MCF2L: variants seen among roughly 807,000 people sequenced by gnomAD.
MCF2L encodes guanine nucleotide exchange factor DBS.
Under a neutral mutation model 153.4 loss-of-function variants are expected in MCF2L, and 97 were observed. The observed-to-expected ratio is 0.63, with a 90% CI of 0.54 to 0.75. The LOEUF is 0.75. Among genes scored for constraint, MCF2L ranks in the 30% least tolerant of loss-of-function variants. MCF2L has a pLI of 0.00. For synonymous variants in MCF2L, 659 were observed against 632.2 expected, an observed-to-expected ratio of 1.04 and a Z score of -0.64; for missense variants, 1,347 against 1,495.2, an observed-to-expected ratio of 0.90 and a Z score of 1.64.
chr13:112,994,708 T>A (rs1290189586), intron 1 of MCF2L, among the ~76,000 whole-genome samples: 1 of 152,100 alleles, frequency 6.6e-6, no homozygotes, highest in Non-Finnish European at 1.5e-5. Flanking sequence ...GGGTGGGGCA[T>A]CCTCCCGGGC....
At chr13:113,038,010 T>C (rs550622507) in intron 3 of MCF2L, among the ~76,000 whole-genome samples, 1 of 152,308 alleles carries the variant, frequency 6.6e-6, no homozygotes, top group East Asian at 1.9e-4. Flanking sequence ...CTAAACTTAA[T>C]TGTATTTTAG....
At position 112,969,584 on chromosome 13, in the gene MCF2L, C is replaced by T. The variant is rs2081971843; in HGVS notation, c.79+126C>T. ...TCCTTTCTAGCCGTGGTAGCTGTGA[C>T]ATGGGGGGCACTGGTTGGCAGCTGG... On this transcript the variant is annotated intron_variant, in intron 1 of 29. Transcript: ENST00000535094. The surrounding 1 kb of genome is among the most constrained non-coding windows in gnomAD (Gnocchi z 4.8). 1.0e-5 allele frequency: 15 copies of T among 1,477,222 alleles called. No homozygotes were observed. Among genetic ancestry groups the T allele is most frequent in the Non-Finnish European group, 1.4e-5 (15 of 1,098,730 alleles). The allele number at this position is 1,477,222 out of a possible 1,614,324, so 91.5% of individuals were successfully genotyped here.
intron 2 of MCF2L, among the ~76,000 whole-genome samples, chr13:112,962,152 C>G (rs1027524319): frequency 6.6e-6 from 1 of 151,374 alleles, no homozygotes; most frequent in African/African-American, 2.4e-5. Context: ...TGCAGACATG[C>G]TCACACCTGT....
intron 26 of MCF2L, 103 bp from the exon 27 acceptor site, chr13:113,094,411 A>G: frequency 7.9e-7 from 1 of 1,267,344 alleles, no homozygotes; most frequent in Non-Finnish European, 1.1e-6. Context: ...GGCCCACGGC[A>G]CACATTTCAG....
intron 1 of MCF2L, among the ~76,000 whole-genome samples, chr13:112,988,556 C>A (rs2993288): frequency 1.2e-4 from 17 of 138,740 alleles, no homozygotes; most frequent in African/African-American, 8.0e-5. Context: ...CTACCACACC[C>A]GAGTCCTCCC....
rs554066085 is a variant in MCF2L at position 112,943,678 on chromosome 13, A to G, written c.169+41307A>G. On this transcript the variant is annotated intron_variant, in intron 2 of 29. Transcript: ENST00000375608. This position sits in a 1 kb window ranked among gnomAD's most constrained non-coding sequence, Gnocchi z 4.2. Reference sequence around the variant, plus strand: ...CCCGGGGACAGACGGGGAAGGCGGGAGCGCTCGCAGTTCCCTCCTGGAGGG... The same window carrying G: ...CCCGGGGACAGACGGGGAAGGCGGGGGCGCTCGCAGTTCCCTCCTGGAGGG... Among the ~76,000 whole-genome samples the G allele has an allele frequency of 1.3e-5, 2 of 152,110 alleles. No homozygotes were observed. Among genetic ancestry groups the G allele is most frequent in the East Asian group, 3.9e-4 (2 of 5,130 alleles).
rs116942706 is a variant in MCF2L, at chr13:112,904,768, C to T, written c.169+2397C>T. Among the ~76,000 whole-genome samples, 326 of 152,378 alleles carry T rather than the reference C, an allele frequency of 2.1e-3. 2 individuals carry two copies. The highest frequency in any genetic ancestry group is 3.6e-3 in the Non-Finnish European group (244 of 68,036). ...CTGCGGCCTGCGGGAGAACCGCACT[C>T]GGCTCTCAGGCCCTGCCTGCACCAC... On this transcript the variant is annotated intron_variant, in intron 2 of 29. Coordinates refer to the MCF2L transcript ENST00000375608. This position sits in a 1 kb window ranked among gnomAD's most constrained non-coding sequence, Gnocchi z 4.2.
At chr13:112,978,070 T>C (rs1318502707) in intron 1 of MCF2L, among the ~76,000 whole-genome samples, 2 of 152,158 alleles carry the variant, frequency 1.3e-5, no homozygotes, top group Non-Finnish European at 2.9e-5. Context: ...CAAGACTCTG[T>C]CTCCAAACAA....
At chr13:112,917,657 G>A (rs1266235584) in intron 2 of MCF2L, 2 of 167,136 alleles carry the variant, frequency 1.2e-5, no homozygotes, top group Admixed American at 5.7e-5. Flanking sequence ...GACCTCCACA[G>A]TCGGCCGCAG....
chr13:112,927,999 C>T (rs1315801247), intron 2 of MCF2L, among the ~76,000 whole-genome samples: 2 of 152,198 alleles, frequency 1.3e-5, no homozygotes, highest in South Asian at 2.1e-4. Context: ...AGAAAAATAA[C>T]AGGAGAAACG....
At chr13:112,942,932 G>T (rs908780411) in intron 2 of MCF2L, among the ~76,000 whole-genome samples, 1 of 152,210 alleles carries the variant, frequency 6.6e-6, no homozygotes. Context: ...CAGCACCCTC[G>T]TGAGCTGCTG....
In MCF2L at chr13:113,027,131, C is replaced by T; in HGVS notation, c.278+2373C>T. The T allele has an allele frequency of 1.4e-6, 1 of 706,342 alleles. No homozygotes were observed. Among genetic ancestry groups the T allele is most frequent in the South Asian group, 1.5e-5 (1 of 66,924 alleles). The allele number at this position is 706,342 out of a possible 1,614,324, so 43.8% of individuals were successfully genotyped here. On this transcript the variant is annotated intron_variant, in intron 3 of 29. Coordinates refer to ENST00000535094, the MANE Select transcript of MCF2L (RefSeq NM_001112732.3). This position sits in a 1 kb window ranked among gnomAD's most constrained non-coding sequence, Gnocchi z 4.8. Reference sequence around the variant, plus strand: ...AAACACAGAGGAGATGTTTAACCATCAGCGTGAAAGTGCAGCCGTGGCCAT... The same window carrying T: ...AAACACAGAGGAGATGTTTAACCATTAGCGTGAAAGTGCAGCCGTGGCCAT...
At chr13:113,001,612 C>A in intron 1 of MCF2L, 2 of 1,141,688 alleles carry the variant, frequency 1.8e-6, no homozygotes, top group Non-Finnish European at 2.2e-6. Flanking sequence ...ACAAGCAACA[C>A]CAGGAACCTG....
At chr13:113,066,004 G>T in intron 7 of MCF2L, 42 bp from the exon 8 acceptor site, 1 of 1,600,472 alleles carries the variant, frequency 6.2e-7, no homozygotes, top group Non-Finnish European at 8.5e-7. Context: ...TGCGCTGTGT[G>T]CCTGGACGGG....
At chr13:112,948,495 A>G (rs978916931) in intron 2 of MCF2L, among the ~76,000 whole-genome samples, 12 of 152,230 alleles carry the variant, frequency 7.9e-5, no homozygotes, top group African/African-American at 2.9e-4. Context: ...GCCTTCCACA[A>G]AGTCCTAGGA....
intron 4 of MCF2L, among the ~76,000 whole-genome samples, chr13:113,050,006 A>G (rs1644690208): frequency 6.6e-6 from 1 of 151,864 alleles, no homozygotes; most frequent in African/African-American, 2.4e-5. Flanking sequence ...ATAGGTTCAC[A>G]GCTACCCACC....
chr13:113,094,242 T>C, intron 26 of MCF2L: 1 of 246,374 alleles, frequency 4.1e-6, no homozygotes, highest in Non-Finnish European at 7.8e-6. Context: ...GACAAGGGCG[T>C]GGCTTCCCAG....
chr13:113,065,116 TG>T, intron 7 of MCF2L, 31 bp downstream of exon 7: 3 of 1,426,012 alleles, frequency 2.1e-6, no homozygotes, highest in African/African-American at 1.7e-5. Flanking sequence ...CTGGAAGCTG[TG>T]GGGGGCTCCG....
At position 113,087,693 on chromosome 13, in the gene MCF2L, C is replaced by G. The variant is rs199784729; in HGVS notation, c.2596-14C>G. 6.2e-7 allele frequency: 1 copy of G among 1,608,774 alleles called. No individual in the cohort carries two copies. The highest frequency in any genetic ancestry group is 8.5e-7 in the Non-Finnish European group (1 of 1,175,408). On this transcript the variant is annotated splice_polypyrimidine_tract_variant and intron_variant, in intron 22 of 29. Coordinates refer to ENST00000535094, the MANE Select transcript of MCF2L (RefSeq NM_001112732.3). Reference sequence around the variant, plus strand: ...ACTGTGCACGCGAACCCCATCTCCACTCTCTGCTCGCAGATGGCTGCCGTT... The same window carrying G: ...ACTGTGCACGCGAACCCCATCTCCAGTCTCTGCTCGCAGATGGCTGCCGTT...
Sources: gnomAD v4.1 joint callset for allele counts (sites outside exome capture counted in the v4.1 genomes callset) on GRCh38, gnomAD v4.1.1 for gene constraint, Gnocchi (gnomAD v3.1) non-coding constraint, MANE v1.5 for transcripts, NCBI Gene and HGNC (gene_info 2026-07-23, HGNC 2026-07-21) for gene names.